The following DCBLD2 variants were observed in gnomAD, a reference collection of about 807,000 sequenced individuals.
The protein encoded by DCBLD2 is discoidin, CUB and LCCL domain containing 2.
In DCBLD2, 54 loss-of-function variants were observed where a neutral mutation model predicts 86.8. That is an observed-to-expected ratio of 0.62 (90% CI 0.50 to 0.78). DCBLD2 has a LOEUF of 0.78. Among genes scored for constraint, DCBLD2 ranks in the 30% least tolerant of loss-of-function variants. The pLI is 0.00. For missense variants in DCBLD2, 908 were observed against 954.2 expected (o/e 0.95, Z 0.64); for synonymous variants, 354 against 341.3 (o/e 1.04, Z -0.41).
At chr3:98,878,380 C>T (rs951272803) in intron 2 of DCBLD2, among the ~76,000 whole-genome samples, 23 of 152,108 alleles carry the variant, frequency 1.5e-4, no homozygotes, top group African/African-American at 5.3e-4. Context: ...ACACATCCCA[C>T]GAAATCATTA....
In DCBLD2 at chr3:98,820,433, T is replaced by C. The variant is rs1022481717; in HGVS notation, c.831-145A>G. On this transcript the variant is annotated intron_variant, in intron 6 of 15. Coordinates refer to ENST00000326840, the MANE Select transcript of DCBLD2 (RefSeq NM_080927.4). ...GTGGCTAAAAATTAGACAACTAATATTGTTCCTAGGAAAAAAGTCTCATTT... is the reference window on the plus strand; with the variant it reads ...GTGGCTAAAAATTAGACAACTAATACTGTTCCTAGGAAAAAAGTCTCATTT... The C allele has an allele frequency of 1.8e-5, 9 of 510,048 alleles. No homozygotes were observed. In the African/African-American group the frequency reaches 1.8e-4, roughly 10 times the overall value. 31.6% of individuals were successfully genotyped at this position (510,048 alleles called of 1,614,324 possible). A position where few individuals can be genotyped will look rare whatever the true frequency, so the allele number is the denominator to read the frequency against.
chr3:98,892,550 C>T (rs1172306963), intron 1 of DCBLD2, among the ~76,000 whole-genome samples: 2 of 152,104 alleles, frequency 1.3e-5, no homozygotes, highest in Admixed American at 1.3e-4. Context: ...CGTGTTAAAA[C>T]CGTAAGCCTT....
chr3:98,870,804 A>AGAAG (rs1943266562), intron 2 of DCBLD2, among the ~76,000 whole-genome samples: 1 of 143,424 alleles, frequency 7.0e-6, no homozygotes, highest in Non-Finnish European at 1.6e-5. Context: ...AAAGAAAGAA[A>AGAAG]GAAAGAAAGG....
chr3:98,801,497 G>A (rs1941717688), intron 14 of DCBLD2, 103 bp downstream of exon 14: 1 of 819,154 alleles, frequency 1.2e-6, no homozygotes, highest in African/African-American at 1.7e-5. Flanking sequence ...ACAGTGTCGG[G>A]GAGTTCACCT....
At chr3:98,822,631 T>C in intron 5 of DCBLD2, 38 bp downstream of exon 5, 1 of 1,522,782 alleles carries the variant, frequency 6.6e-7, no homozygotes, top group Non-Finnish European at 8.8e-7. Flanking sequence ...AAAATAGAGT[T>C]ATATCACAAT....
At chr3:98,823,849 A>G (rs1291352774) in intron 4 of DCBLD2, among the ~76,000 whole-genome samples, 2 of 152,138 alleles carry the variant, frequency 1.3e-5, no homozygotes, top group African/African-American at 4.8e-5. Context: ...CAGGTAGCAA[A>G]TGGGGTCTGG....
At chr3:98,894,264 T>A (rs1943713383) in intron 1 of DCBLD2, among the ~76,000 whole-genome samples, 1 of 152,116 alleles carries the variant, frequency 6.6e-6, no homozygotes, top group South Asian at 2.1e-4. Flanking sequence ...CAGCCTCCAT[T>A]TCTCATTACT....
intron 8 of DCBLD2, among the ~76,000 whole-genome samples, chr3:98,818,809 T>C (rs1942067471): frequency 6.6e-6 from 1 of 152,234 alleles, no homozygotes. Flanking sequence ...TCTGGACCTT[T>C]GACCATAGAC....
At chr3:98,834,975 T>TA (rs1942404226) in intron 3 of DCBLD2, among the ~76,000 whole-genome samples, 3 of 148,026 alleles carry the variant, frequency 2.0e-5, no homozygotes, top group South Asian at 2.2e-4. Flanking sequence ...ACATTCTTTT[T>TA]TTTTTTTATT....
chr3:98,808,276 A>AC, intron 12 of DCBLD2, 102 bp from the exon 13 acceptor site: 1 of 1,005,302 alleles, frequency 9.9e-7, no homozygotes, highest in Non-Finnish European at 1.4e-6. Flanking sequence ...ACATTTTTCT[A>AC]CCTCACGGAA....
At chr3:98,873,515 C>A (rs1943315318) in intron 2 of DCBLD2, among the ~76,000 whole-genome samples, 2 of 151,938 alleles carry the variant, frequency 1.3e-5, no homozygotes, top group Admixed American at 1.3e-4. Flanking sequence ...TAGAAATAAA[C>A]CTGTTAAACA....
chr3:98,885,430 T>C (rs566443131), intron 1 of DCBLD2, among the ~76,000 whole-genome samples: 1 of 152,204 alleles, frequency 6.6e-6, no homozygotes, highest in South Asian at 2.1e-4. Flanking sequence ...TTTTTGCTTA[T>C]TCCAAAAGAA....
In DCBLD2 at chr3:98,841,051, T is replaced by G. The variant is rs9812735; in HGVS notation, c.571+8410A>C. ...TTCAGTGTTGAATATACACTAGTCT[T>G]CACAGTAGAGTTTAACCCAAAGGAA... On this transcript the variant is annotated intron_variant, in intron 3 of 15. Transcript: ENST00000326840. Among the ~76,000 whole-genome samples, 1,051 of 152,312 alleles carry G rather than the reference T, an allele frequency of 6.9e-3. 18 individuals carry two copies. Among genetic ancestry groups the G allele is most frequent in the African/African-American group, 0.024 (998 of 41,562 alleles).
At position 98,797,798 on chromosome 3, in the gene DCBLD2, T is replaced by C. The variant is rs1051550556; in HGVS notation, c.*1574A>G. 3 of 152,216 alleles carry C rather than the reference T, an allele frequency of 2.0e-5. No homozygotes were observed. Among genetic ancestry groups the C allele is most frequent in the Non-Finnish European group, 4.4e-5 (3 of 68,036 alleles). The allele number at this position is 152,216 out of a possible 1,614,324, so 9.4% of individuals were successfully genotyped here. The stretch of plus-strand genomic sequence containing the variant: ...AGAAAACAAATACTGTTCATCTTTA[T>C]TCAAATTGAGTGAATTCTGGCAACA... On this transcript the variant is annotated 3_prime_UTR_variant, in exon 16 of 16. Coordinates refer to ENST00000326840, the MANE Select transcript of DCBLD2 (RefSeq NM_080927.4).
intron 13 of DCBLD2, among the ~76,000 whole-genome samples, chr3:98,804,720 T>A (rs957823406): frequency 1.3e-5 from 2 of 152,246 alleles, no homozygotes; most frequent in African/African-American, 4.8e-5. Flanking sequence ...TTTGAATGTG[T>A]CCCAGAGATT....
intron 5 of DCBLD2, 64 bp from the exon 6 acceptor site, chr3:98,822,425 C>A: frequency 2.0e-6 from 3 of 1,531,814 alleles, no homozygotes; most frequent in Admixed American, 2.1e-5. Context: ...AAACAAGACA[C>A]TCTACTTCCT....
At chr3:98,844,034 GCACACACACACACA>G (rs10574415) in intron 3 of DCBLD2, among the ~76,000 whole-genome samples, 7 of 145,526 alleles carry the variant, frequency 4.8e-5, no homozygotes, top group African/African-American at 1.5e-4. Flanking sequence ...AATCATGCAT[GCACACACACACACA>G]CACACACACA....
At chr3:98,811,085 A>G in intron 12 of DCBLD2, 109 bp downstream of exon 12, 2 of 1,305,298 alleles carry the variant, frequency 1.5e-6, no homozygotes, top group Non-Finnish European at 2.0e-6. Flanking sequence ...CTATACTTAA[A>G]AACTATAGTT....
intron 13 of DCBLD2, 93 bp downstream of exon 13, chr3:98,807,986 TCA>T (rs984222040): frequency 4.5e-6 from 4 of 889,660 alleles, no homozygotes; most frequent in Non-Finnish European, 6.3e-6. Flanking sequence ...ACCTTAACTC[TCA>T]CTCTCAAACA....
Sources: gnomAD v4.1 joint callset for allele counts (sites outside exome capture counted in the v4.1 genomes callset) on GRCh38, gnomAD v4.1.1 for gene constraint, MANE v1.5 for transcripts, NCBI Gene and HGNC (gene_info 2026-07-23, HGNC 2026-07-21) for gene names.